Variants in SLC24A3 observed in about 807,000 individuals in gnomAD.
The protein encoded by SLC24A3 is solute carrier family 24 member 3.
A neutral mutation model predicts 75.8 loss-of-function variants in SLC24A3; 28 were observed. The observed-to-expected ratio is 0.37, with a 90% CI of 0.27 to 0.51. The LOEUF is 0.51. SLC24A3 is among the 20% of genes least tolerant of loss of function. The pLI is 0.94. For missense variants in SLC24A3, 663 were observed against 847.8 expected (o/e 0.78, Z 2.71); for synonymous variants, 372 against 334.1 (o/e 1.11, Z -1.24).
intron 3 of SLC24A3, among the ~76,000 whole-genome samples, chr20:19,553,662 A>T (rs974520579): frequency 1.3e-5 from 2 of 152,194 alleles, no homozygotes; most frequent in Non-Finnish European, 2.9e-5. Flanking sequence ...GATGCTGTCC[A>T]TGTCAGCTGG....
chr20:19,698,426 A>C (rs1309588161), intron 14 of SLC24A3, 142 bp from the exon 15 acceptor site: 8 of 580,044 alleles, frequency 1.4e-5, no homozygotes, highest in Non-Finnish European at 1.9e-5. Flanking sequence ...TCATCCTTTC[A>C]CATGGGTGAT....
At chr20:19,469,413 A>G (rs535855864) in intron 2 of SLC24A3, among the ~76,000 whole-genome samples, 1 of 152,328 alleles carries the variant, frequency 6.6e-6, no homozygotes, top group East Asian at 1.9e-4. Flanking sequence ...GTACTATAGA[A>G]GCTTCTTGGA....
chr20:19,584,348 G>A (rs2031263268), intron 4 of SLC24A3, among the ~76,000 whole-genome samples: 1 of 152,084 alleles, frequency 6.6e-6, no homozygotes, highest in South Asian at 2.1e-4. Flanking sequence ...TGGGTTTCAG[G>A]AGGGTGATCC....
intron 6 of SLC24A3, among the ~76,000 whole-genome samples, chr20:19,653,501 GA>G (rs1041905411): frequency 3.3e-5 from 5 of 152,254 alleles, no homozygotes; most frequent in Non-Finnish European, 7.3e-5. Context: ...CACCCCTTCT[GA>G]AGGGCGGCAG....
chr20:19,684,998 A>C, intron 11 of SLC24A3, 102 bp from the exon 12 acceptor site: 1 of 1,429,636 alleles, frequency 7.0e-7, no homozygotes, highest in South Asian at 1.5e-5. Context: ...TTCTGGAAGC[A>C]TATCGTCAGC....
chr20:19,318,303 A>G (rs959296587), intron 2 of SLC24A3, among the ~76,000 whole-genome samples: 2 of 152,116 alleles, frequency 1.3e-5, no homozygotes, highest in Non-Finnish European at 2.9e-5. Flanking sequence ...GTGTCTGTTC[A>G]GTGGGATTGA....
chr20:19,437,750 C>T lies in SLC24A3; in HGVS notation c.272-77738C>T, dbSNP rs111940449. On this transcript the variant is annotated intron_variant, in intron 2 of 16. Transcript: ENST00000328041. Reference sequence around the variant, plus strand: ...GCCTGAGGGGAGATGGTTTTCAAGACAGCTGCTAGGGGTGCCAGGGAGCTC... The same window carrying T: ...GCCTGAGGGGAGATGGTTTTCAAGATAGCTGCTAGGGGTGCCAGGGAGCTC... Among the ~76,000 whole-genome samples the T allele has an allele frequency of 3.1e-3, 475 of 152,280 alleles. 3 individuals carry two copies. The highest frequency in any genetic ancestry group is 0.011 in the African/African-American group (448 of 41,566).
chr20:19,547,398 G>A (rs1306312590), intron 3 of SLC24A3, among the ~76,000 whole-genome samples: 3 of 152,230 alleles, frequency 2.0e-5, no homozygotes, highest in East Asian at 1.9e-4. Flanking sequence ...AGGACTGGCT[G>A]CAAATGGACA....
rs188384823 is a variant in SLC24A3, at chr20:19,318,590, A to G, written c.271+37503A>G. 3.0e-4 allele frequency among the ~76,000 whole-genome samples: 46 copies of G among 152,258 alleles called. 1 individual carries two copies. The East Asian group carries it at 8.5e-3, about 28-fold the overall frequency. ...AGATATGAAATCAAGAGTGGGAGAC[A>G]CCACATGTACTCCTTTGCCACAAAG... On this transcript the variant is annotated intron_variant, in intron 2 of 16. Coordinates refer to ENST00000328041, the MANE Select transcript of SLC24A3 (RefSeq NM_020689.4).
At chr20:19,437,723 G>A (rs893025866) in intron 2 of SLC24A3, among the ~76,000 whole-genome samples, 1 of 152,122 alleles carries the variant, frequency 6.6e-6, no homozygotes, top group African/African-American at 2.4e-5. Context: ...GCAAACCCAC[G>A]TGCCTGAGGG....
At chr20:19,622,842 A>G (rs747152069) in intron 6 of SLC24A3, among the ~76,000 whole-genome samples, 3 of 152,216 alleles carry the variant, frequency 2.0e-5, no homozygotes, top group Non-Finnish European at 4.4e-5. Context: ...GAGGGCTTCA[A>G]GGAACTTCCA....
At chr20:19,531,609 T>C (rs997815706) in intron 3 of SLC24A3, among the ~76,000 whole-genome samples, 1 of 152,206 alleles carries the variant, frequency 6.6e-6, no homozygotes, top group Non-Finnish European at 1.5e-5. Context: ...ACAAACTGTT[T>C]GTATTGTGGT....
At chr20:19,269,242 A>C (rs1275487800) in intron 1 of SLC24A3, among the ~76,000 whole-genome samples, 1 of 152,262 alleles carries the variant, frequency 6.6e-6, no homozygotes, top group Non-Finnish European at 1.5e-5. Flanking sequence ...ATCACTGCAC[A>C]GGGTCCTTTT....
Position 19,294,058 on chromosome 20 carries a change from TAATAC to T in SLC24A3, c.271+12975_271+12979del, listed in dbSNP as rs145846966. Among the ~76,000 whole-genome samples, 1,226 of 152,340 alleles carry T rather than the reference TAATAC, an allele frequency of 8.0e-3. 8 individuals are homozygous for T. The highest frequency in any genetic ancestry group is 0.027 in the African/African-American group (1,124 of 41,564). On this transcript the variant is annotated intron_variant, in intron 2 of 16. Transcript: ENST00000328041. ...TAGGTTGCTTATAATACCTAATACCTAATACAATGCCTATACATCACTTCATTTAC... is the reference window on the plus strand; with the variant it reads ...TAGGTTGCTTATAATACCTAATACCTAATGCCTATACATCACTTCATTTAC...
intron 2 of SLC24A3, among the ~76,000 whole-genome samples, chr20:19,467,936 G>C (rs1270470275): frequency 4.6e-5 from 7 of 151,532 alleles, no homozygotes; most frequent in Non-Finnish European, 1.0e-4. Context: ...AGGAGCAGAG[G>C]TAACCAAGAT....
chr20:19,628,449 A>T (rs2031893667), intron 6 of SLC24A3, among the ~76,000 whole-genome samples: 1 of 152,120 alleles, frequency 6.6e-6, no homozygotes, highest in Non-Finnish European at 1.5e-5. Context: ...TGAGTACAAC[A>T]CCAAGAAGAG....
chr20:19,598,384 A>G (rs951583772), intron 6 of SLC24A3, among the ~76,000 whole-genome samples: 1 of 152,148 alleles, frequency 6.6e-6, no homozygotes, highest in Non-Finnish European at 1.5e-5. Context: ...CTCATGTACC[A>G]CGTGTCCGGC....
At chr20:19,322,411 CTTCCTTCCTTCT>C (rs1984734043) in intron 2 of SLC24A3, among the ~76,000 whole-genome samples, 2 of 126,742 alleles carry the variant, frequency 1.6e-5, no homozygotes, top group South Asian at 2.5e-4. Context: ...TCCTTCCTTC[CTTCCTTCCTTCT>C]TTCCTTACAT....
chr20:19,422,672 G>C (rs996542663), intron 2 of SLC24A3, among the ~76,000 whole-genome samples: 1 of 152,210 alleles, frequency 6.6e-6, no homozygotes, highest in African/African-American at 2.4e-5. Flanking sequence ...AGTCCTGGCA[G>C]GGGGAGCTTT....
Sources: gnomAD v4.1 joint callset for allele counts (sites outside exome capture counted in the v4.1 genomes callset) on GRCh38, gnomAD v4.1.1 for gene constraint, MANE v1.5 for transcripts, NCBI Gene and HGNC (gene_info 2026-07-23, HGNC 2026-07-21) for gene names.